The following RIMS2 variants were observed in gnomAD, a reference collection of about 807,000 sequenced individuals.
RIMS2 encodes regulating synaptic membrane exocytosis 2.
RIMS2 carries 59 observed loss-of-function variants against 174.4 expected under a neutral mutation model. That is an observed-to-expected ratio of 0.34 (90% CI 0.27 to 0.42). RIMS2 has a LOEUF of 0.42. Ranked by LOEUF, RIMS2 falls within the 10% of genes least tolerant of loss-of-function variation. The probability of loss-of-function intolerance (pLI) is 1.00; values close to 1 mark genes in which losing one functional copy is unlikely to be tolerated. For synonymous variants in RIMS2, 606 were observed against 572.5 expected, an observed-to-expected ratio of 1.06 and a Z score of -0.84; for missense variants, 1,620 against 1,666.3, an observed-to-expected ratio of 0.97 and a Z score of 0.48.
At position 104,056,711 on chromosome 8, in the gene RIMS2, G is replaced by A. The variant is rs141333158; in HGVS notation, c.3334+42096G>A. Among the ~76,000 whole-genome samples the A allele has an allele frequency of 2.5e-3, 386 of 152,010 alleles. 2 individuals are homozygous for A. The highest frequency in any genetic ancestry group is 8.0e-3 in the African/African-American group (330 of 41,454). ...AGCCGGGGAAACATAGCGATACCTCGTCTCTACTAAAAATAAAAAATAAAA... is the reference window on the plus strand; with the variant it reads ...AGCCGGGGAAACATAGCGATACCTCATCTCTACTAAAAATAAAAAATAAAA... On this transcript the variant is annotated intron_variant, in intron 19 of 23. Transcript: ENST00000504942.
chr8:103,789,054 C>G (rs1380580011), intron 3 of RIMS2, among the ~76,000 whole-genome samples: 1 of 152,196 alleles, frequency 6.6e-6, no homozygotes, highest in Non-Finnish European at 1.5e-5. Context: ...TCCGTCACCC[C>G]TTTCTTTGAC....
intron 19 of RIMS2, among the ~76,000 whole-genome samples, chr8:104,182,439 CAG>C (rs1198393678): frequency 6.6e-6 from 1 of 151,752 alleles, no homozygotes; most frequent in African/African-American, 2.4e-5. Flanking sequence ...TTAGTGTACT[CAG>C]AGATATGTAC....
At chr8:103,972,544 A>C (rs1005160174) in intron 15 of RIMS2, among the ~76,000 whole-genome samples, 8 of 152,166 alleles carry the variant, frequency 5.3e-5, no homozygotes, top group Non-Finnish European at 1.0e-4. Flanking sequence ...AATAATTTAC[A>C]AGCGTCTACA....
At chr8:103,518,192 T>C (rs1031972139) in intron 1 of RIMS2, among the ~76,000 whole-genome samples, 1 of 152,162 alleles carries the variant, frequency 6.6e-6, no homozygotes, top group African/African-American at 2.4e-5. Context: ...TGTTAAGAGA[T>C]TGACACTTTA....
At position 103,831,255 on chromosome 8, in the gene RIMS2, C is replaced by G. The variant is rs562805663; in HGVS notation, c.699-54043C>G. 8.5e-5 allele frequency among the ~76,000 whole-genome samples: 13 copies of G among 152,188 alleles called. No individual in the cohort carries two copies. In the South Asian group the frequency reaches 2.3e-3, roughly 27 times the overall value. ...TTATTCTTGGTTTACAGCATTTACT[C>G]CCCCTTCCAAATATGAATAGTCAAT... is the stretch of plus-strand genomic sequence containing the variant. On this transcript the variant is annotated intron_variant, in intron 3 of 23. Transcript: ENST00000504942.
At chr8:104,244,783 C>A in intron 19 of RIMS2, 133 bp from the exon 26 acceptor site, 1 of 676,948 alleles carries the variant, frequency 1.5e-6, no homozygotes, top group Non-Finnish European at 2.6e-6. Context: ...AATACCTTTT[C>A]TTTCTGCCTC....
At chr8:104,151,944 T>A (rs576269987) in intron 19 of RIMS2, among the ~76,000 whole-genome samples, 268 of 152,248 alleles carry the variant, frequency 1.8e-3, no homozygotes, top group African/African-American at 6.1e-3. Flanking sequence ...GAGGATAGTA[T>A]CACAGAAATT....
intron 2 of RIMS2, among the ~76,000 whole-genome samples, chr8:103,754,985 T>C (rs2097962262): frequency 6.6e-6 from 1 of 152,218 alleles, no homozygotes; most frequent in Non-Finnish European, 1.5e-5. Context: ...TCCTAGCTGG[T>C]TATTTTGCCC....
chr8:103,500,906 C>T, exon 1 of RIMS2: 1 of 1,602,536 alleles, frequency 6.2e-7, no homozygotes, highest in Non-Finnish European at 8.5e-7. Context: ...CCTGTCGGGC[C>T]CCGGGGCCGC....
intron 15 of RIMS2, among the ~76,000 whole-genome samples, chr8:103,966,049 A>G (rs2091735287): frequency 6.6e-6 from 1 of 152,130 alleles, no homozygotes; most frequent in African/African-American, 2.4e-5. Flanking sequence ...TGCTAACATT[A>G]CATTGATAAT....
At chr8:103,643,362 T>A (rs1420407930) in intron 1 of RIMS2, among the ~76,000 whole-genome samples, 1 of 152,092 alleles carries the variant, frequency 6.6e-6, no homozygotes, top group Non-Finnish European at 1.5e-5. Context: ...CCACAGCTAT[T>A]TTTCTCAGTC....
At chr8:103,871,540 T>C (rs761847773) in intron 3 of RIMS2, among the ~76,000 whole-genome samples, 1 of 152,158 alleles carries the variant, frequency 6.6e-6, no homozygotes, top group Non-Finnish European at 1.5e-5. Context: ...ATTTTCTATA[T>C]GATCTACCAC....
chr8:103,812,413 G>C (rs142989967), intron 3 of RIMS2, among the ~76,000 whole-genome samples: 1 of 147,196 alleles, frequency 6.8e-6, no homozygotes, highest in Admixed American at 7.1e-5. Flanking sequence ...GCAATGGCAC[G>C]ATCTTGGCTC....
At chr8:103,586,597 C>T (rs186856959) in intron 1 of RIMS2, among the ~76,000 whole-genome samples, 65 of 152,108 alleles carry the variant, frequency 4.3e-4, no homozygotes, top group Non-Finnish European at 5.9e-4. Context: ...GCAGCAACAG[C>T]AGTGCTAAGA....
In RIMS2 at chr8:103,812,331, G is replaced by GTTTTTTTT. The variant is rs71575985; in HGVS notation, c.698+45810_698+45817dup. 6.3e-3 allele frequency among the ~76,000 whole-genome samples: 704 copies of GTTTTTTTT among 111,406 alleles called. 11 individuals carry two copies. The highest frequency in any genetic ancestry group is 0.028 in the East Asian group (66 of 2,316). 73.1% of individuals were successfully genotyped at this position (111,406 alleles called of 152,430 possible). On this transcript the variant is annotated intron_variant, in intron 3 of 23. Transcript: ENST00000504942. ...GGTCAAATTATTACCTTATTACCTT[G>GTTTTTTTT]TTTTTTTTTTTTTTTTTTTTTTTGT...
chr8:103,910,518 C>G (rs1398490063), intron 5 of RIMS2: 1 of 1,589,562 alleles, frequency 6.3e-7, no homozygotes, highest in Admixed American at 1.7e-5. Flanking sequence ...GGAGCATAGC[C>G]ATAGTGATAA....
chr8:104,123,064 CA>C (rs2098397495), intron 19 of RIMS2, among the ~76,000 whole-genome samples: 1 of 151,840 alleles, frequency 6.6e-6, no homozygotes, highest in East Asian at 1.9e-4. Context: ...ATATAATTTC[CA>C]AAAAATGCTG....
chr8:103,973,020 T>A (rs2093052123), intron 15 of RIMS2, among the ~76,000 whole-genome samples: 1 of 152,204 alleles, frequency 6.6e-6, no homozygotes. Context: ...AGAAGAACAT[T>A]CCATCATTTT....
At chr8:103,760,304 A>G (rs969181207) in intron 2 of RIMS2, among the ~76,000 whole-genome samples, 7 of 152,218 alleles carry the variant, frequency 4.6e-5, no homozygotes, top group African/African-American at 1.4e-4. Context: ...TTCATGGTAA[A>G]TCTGGAAGTT....
Sources: allele counts gnomAD v4.1 joint callset (sites outside exome capture counted in the v4.1 genomes callset), GRCh38; gene constraint gnomAD v4.1.1; transcripts MANE v1.5; gene names NCBI Gene and HGNC (gene_info 2026-07-23, HGNC 2026-07-21).